Variants in PRMT3 observed in about 807,000 individuals in gnomAD.
PRMT3 encodes the protein protein arginine methyltransferase 3.
A neutral mutation model predicts 71.9 loss-of-function variants in PRMT3; 62 were observed. The ratio of observed to expected loss-of-function variants is 0.86; its 90% CI spans 0.70 to 1.07. The LOEUF (loss-of-function observed/expected upper bound fraction) is 1.07, where lower values mean the gene tolerates loss of function less well. Among genes scored for constraint, PRMT3 ranks in the 50% least tolerant of loss-of-function variants. The pLI is 0.00. For synonymous variants in PRMT3, 213 were observed against 220.4 expected (o/e 0.97, Z 0.30); for missense variants, 663 against 643.0 (o/e 1.03, Z -0.34).
chr11:20,435,595 A>T (rs1373079930), intron 10 of PRMT3, among the ~76,000 whole-genome samples: 1 of 152,144 alleles, frequency 6.6e-6, no homozygotes, highest in Non-Finnish European at 1.5e-5. Flanking sequence ...AATTGAAGAG[A>T]CTGTCCCTTC....
intron 10 of PRMT3, among the ~76,000 whole-genome samples, chr11:20,439,477 T>C (rs1358079515): frequency 3.3e-5 from 5 of 152,180 alleles, no homozygotes; most frequent in African/African-American, 7.2e-5. Flanking sequence ...TTCATTAACA[T>C]AGTTGTATAT....
At chr11:20,503,381 TATA>T (rs2133705572) in intron 15 of PRMT3, among the ~76,000 whole-genome samples, 1 of 152,274 alleles carries the variant, frequency 6.6e-6, no homozygotes, top group South Asian at 2.1e-4. Context: ...ATAATTTACA[TATA>T]ATCAAAATTC....
chr11:20,402,981 C>T lies in PRMT3; in HGVS notation c.768C>T (p.Asp256=). ...ACCAAAATCCACATATCTTCAAAGA[C>T]AAGGTAAGTAGTATAGGTTATAGAA... ...FIYQNPHIFK[D]KVVLDVGCGT... The change falls in exon 8 of 16, where the codon GAC becomes GAT. Residue 256 remains aspartate (D), a synonymous_variant. Coordinates refer to ENST00000331079, the MANE Select transcript of PRMT3 (RefSeq NM_005788.4). 6.3e-7 allele frequency: 1 copy of T among 1,584,750 alleles called. No individual in the cohort carries two copies. Among genetic ancestry groups the T allele is most frequent in the Non-Finnish European group, 8.7e-7 (1 of 1,153,574 alleles).
At chr11:20,467,349 A>ATAT (rs1242995430) in intron 13 of PRMT3, among the ~76,000 whole-genome samples, 1 of 152,222 alleles carries the variant, frequency 6.6e-6, no homozygotes, top group Non-Finnish European at 1.5e-5. Flanking sequence ...ATGAGTACTC[A>ATAT]TATTATTCCC....
intron 7 of PRMT3, among the ~76,000 whole-genome samples, chr11:20,401,589 T>C (rs1026416955): frequency 5.9e-5 from 9 of 152,172 alleles, no homozygotes; most frequent in African/African-American, 2.2e-4. Flanking sequence ...GGGTATGAGT[T>C]GTATAAAATT....
In PRMT3 at chr11:20,455,455, T is replaced by C. The variant is rs1850247571; in HGVS notation, c.1072+3247T>C. ...GTAGATCCTGTCTATGTCTCTTGAC[T>C]ATGGTGGTGATTGCATAACTGTGTG... On this transcript the variant is annotated intron_variant, in intron 11 of 15. Transcript: ENST00000331079. Among the ~76,000 whole-genome samples the C allele has an allele frequency of 2.6e-5, 4 of 152,134 alleles. 1 individual carries two copies. In the South Asian group the frequency reaches 8.3e-4, roughly 31 times the overall value.
intron 14 of PRMT3, 39 bp downstream of exon 14, chr11:20,494,008 C>A: frequency 6.7e-7 from 1 of 1,498,344 alleles, no homozygotes; most frequent in Non-Finnish European, 9.2e-7. Flanking sequence ...TTAATTATTA[C>A]AGAAGTACAT....
chr11:20,441,791 T>G (rs74641518), intron 10 of PRMT3, among the ~76,000 whole-genome samples: 5,801 of 144,902 alleles, frequency 0.04, 355 homozygotes, highest in Admixed American at 0.094. Flanking sequence ...GTTTCAGGTT[T>G]TTTTTTTTTT....
At chr11:20,475,007 G>C (rs1249054251) in intron 13 of PRMT3, among the ~76,000 whole-genome samples, 1 of 152,140 alleles carries the variant, frequency 6.6e-6, no homozygotes, top group African/African-American at 2.4e-5. Context: ...AAAGGACTTA[G>C]AAAAGTAATA....
intron 3 of PRMT3, among the ~76,000 whole-genome samples, chr11:20,390,317 T>G (rs1592328395): frequency 6.6e-6 from 1 of 152,326 alleles, no homozygotes; most frequent in Non-Finnish European, 1.5e-5. Context: ...CTAGACAAGA[T>G]TCACTGTATT....
At chr11:20,486,592 T>C (rs550010415) in intron 13 of PRMT3, among the ~76,000 whole-genome samples, 42 of 152,044 alleles carry the variant, frequency 2.8e-4, no homozygotes, top group African/African-American at 9.6e-4. Context: ...GTATGCCCTG[T>C]ATTAGCCAGG....
chr11:20,405,230 A>G (rs1203050249), intron 8 of PRMT3, among the ~76,000 whole-genome samples: 1 of 152,090 alleles, frequency 6.6e-6, no homozygotes, highest in Non-Finnish European at 1.5e-5. Context: ...ACCCACTCAT[A>G]ATTAATTTCT....
intron 5 of PRMT3, among the ~76,000 whole-genome samples, chr11:20,394,926 A>G (rs1848792724): frequency 6.6e-6 from 1 of 152,176 alleles, no homozygotes; most frequent in Admixed American, 6.5e-5. Context: ...TCTGAATTTA[A>G]TACCTGCTAC....
At chr11:20,491,000 A>G (rs1170129122) in intron 13 of PRMT3, among the ~76,000 whole-genome samples, 1 of 152,116 alleles carries the variant, frequency 6.6e-6, no homozygotes, top group Non-Finnish European at 1.5e-5. Flanking sequence ...ACCACCAATG[A>G]CACGTTAGAT....
chr11:20,426,543 GA>G (rs1849549941), intron 9 of PRMT3, among the ~76,000 whole-genome samples: 1 of 152,140 alleles, frequency 6.6e-6, no homozygotes, highest in Non-Finnish European at 1.5e-5. Flanking sequence ...TTCAAACTCA[GA>G]TTTTAAATAT....
intron 9 of PRMT3, among the ~76,000 whole-genome samples, chr11:20,420,114 G>A (rs1849394116): frequency 6.6e-6 from 1 of 152,226 alleles, no homozygotes; most frequent in Non-Finnish European, 1.5e-5. Flanking sequence ...GGAGGTTGCA[G>A]TGAGCTGAGA....
At chr11:20,466,930 C>T (rs1476489013) in intron 13 of PRMT3, among the ~76,000 whole-genome samples, 1 of 152,174 alleles carries the variant, frequency 6.6e-6, no homozygotes, top group Non-Finnish European at 1.5e-5. Flanking sequence ...TACATTATAT[C>T]TATAAAGTAC....
chr11:20,460,839 T>A (rs1850367196), intron 11 of PRMT3, among the ~76,000 whole-genome samples: 1 of 152,164 alleles, frequency 6.6e-6, no homozygotes, highest in South Asian at 2.1e-4. Context: ...TCCTCTGAGT[T>A]CTACTTCATA....
chr11:20,466,853 A>AAT (rs1197009804), intron 13 of PRMT3, among the ~76,000 whole-genome samples: 3 of 152,230 alleles, frequency 2.0e-5, no homozygotes, highest in Non-Finnish European at 4.4e-5. Context: ...CTAAGTATCA[A>AAT]ATAGTTACTT....
Sources: gnomAD v4.1 joint callset for allele counts (sites outside exome capture counted in the v4.1 genomes callset) on GRCh38, gnomAD v4.1.1 for gene constraint, MANE v1.5 for transcripts, NCBI Gene and HGNC (gene_info 2026-07-23, HGNC 2026-07-21) for gene names.